Variants in EXO5 observed in about 807,000 individuals in gnomAD.
EXO5 encodes exonuclease 5.
A neutral mutation model predicts 17.8 loss-of-function variants in EXO5; 11 were observed. The observed-to-expected ratio is 0.62, with a 90% confidence interval of 0.39 to 1.02. EXO5 has a LOEUF of 1.02. EXO5 is among the 50% of genes least tolerant of loss of function. The pLI, the probability that EXO5 is intolerant of heterozygous loss-of-function variation, is 0.00. For synonymous variants in EXO5, 147 were observed against 166.5 expected (o/e 0.88, Z 0.90); for missense variants, 364 against 434.8 (o/e 0.84, Z 1.45).
In EXO5 at chr1:40,515,777, C is replaced by A; in HGVS notation, c.*111C>A. ...TATGGAGAGTGTTCTTATTTTGGTTCTTTTTTTTATTTCCACAACCTCTAA... is the reference window on the plus strand; with the variant it reads ...TATGGAGAGTGTTCTTATTTTGGTTATTTTTTTTATTTCCACAACCTCTAA... On this transcript the variant is annotated 3_prime_UTR_variant, in exon 4 of 4. Coordinates refer to ENST00000415550, the MANE Select transcript of EXO5 (RefSeq NM_001346953.2). 4 of 1,235,326 alleles carry A rather than the reference C, an allele frequency of 3.2e-6. No individual in the cohort carries two copies. The highest frequency in any genetic ancestry group is 3.4e-6 in the Non-Finnish European group (3 of 894,708). The allele number at this position is 1,235,326 out of a possible 1,614,324, so 76.5% of individuals were successfully genotyped here. A position where few individuals can be genotyped will look rare whatever the true frequency, so the allele number is the denominator to read the frequency against.
In EXO5 at chr1:40,509,595, G is replaced by C. The variant is rs762040929; in HGVS notation, c.-119G>C. 1.3e-5 allele frequency: 2 copies of C among 152,222 alleles called. No homozygotes were observed. The highest frequency in any genetic ancestry group is 2.9e-5 in the Non-Finnish European group (2 of 68,070). 9.4% of individuals were successfully genotyped at this position (152,222 alleles called of 1,614,324 possible). A position where few individuals can be genotyped will look rare whatever the true frequency, so the allele number is the denominator to read the frequency against. On this transcript the variant is annotated 5_prime_UTR_variant, in exon 2 of 4. Transcript: ENST00000415550. Reference sequence around the variant, plus strand: ...AGTCTGTGCAGTGTCAATGTGAGAGGAGAAAACACCCAACGTGAGGGAATG... The same window carrying C: ...AGTCTGTGCAGTGTCAATGTGAGAGCAGAAAACACCCAACGTGAGGGAATG...
chr1:40,514,440 T>C, intron 3 of EXO5, 75 bp from the exon 4 acceptor site: 1 of 1,252,782 alleles, frequency 8.0e-7, no homozygotes, highest in Non-Finnish European at 1.1e-6. Flanking sequence ...ATTTTGTTTT[T>C]ATCTCACTGA....
rs1645864896 is a variant in EXO5, at chr1:40,515,275, T to A, written c.731T>A (p.Leu244Ter). Residue 244 changes from leucine to a stop codon, truncating the protein, a stop_gained, in exon 4 of 4, where the codon TTG (leucine) becomes TAG (stop). Coordinates refer to ENST00000415550, the MANE Select transcript of EXO5 (RefSeq NM_001346953.2). LOFTEE classifies it high-confidence loss of function. ...GCTAGCCTAATCCACCACACAAAGT[T>A]GTGTCTAGAAAAGCCACTGGGGCCA... ...TPASLIHHTKLCLEKPLGPSV... is the reference protein window; with the variant it reads ...TPASLIHHTK 6.2e-7 allele frequency: 1 copy of A among 1,613,960 alleles called. No individual in the cohort carries two copies. The highest frequency in any genetic ancestry group is 8.5e-7 in the Non-Finnish European group (1 of 1,180,010).
chr1:40,510,272 A>G (rs1011939176), intron 3 of EXO5, among the ~76,000 whole-genome samples: 1 of 152,118 alleles, frequency 6.6e-6, no homozygotes, highest in African/African-American at 2.4e-5. Flanking sequence ...TGCTCCAATA[A>G]CAGTATAGTT....
In EXO5 at chr1:40,514,514, G is replaced by T; in HGVS notation, c.-30-1G>T. ...ATGCATTTCTTTAACATGTTATGCA[G>T]GGCCCTTCTAGCCCAATCCAGAGCT... On this transcript the variant is annotated splice_acceptor_variant, in intron 3 of 3. Transcript: ENST00000415550. LOFTEE classifies it low-confidence loss of function (5UTR_SPLICE). 6.4e-7 allele frequency: 1 copy of T among 1,559,588 alleles called. No individual in the cohort carries two copies. Among genetic ancestry groups the T allele is most frequent in the South Asian group, 1.2e-5 (1 of 83,168 alleles).
In EXO5 at chr1:40,515,662, A is replaced by C; in HGVS notation, c.1118A>C (p.Lys373Thr). Residue 373 changes from lysine (K) to threonine (T), a missense_variant, in exon 4 of 4, where the codon AAA (lysine) becomes ACA (threonine). By Grantham distance (78) the Lys-to-Thr change is moderately conservative. Transcript: ENST00000415550. ...CTGGCGCCCCAAGTCAAAAAAGCCAAATGAATAGAAGGTATGCTTTCAAGA... is the reference window on the plus strand; with the variant it reads ...CTGGCGCCCCAAGTCAAAAAAGCCACATGAATAGAAGGTATGCTTTCAAGA... ...STLAPQVKKA[K>T] is the part of the protein sequence containing the mutation. 6.2e-7 allele frequency: 1 copy of C among 1,610,234 alleles called. No individual in the cohort carries two copies. Among genetic ancestry groups the C allele is most frequent in the Non-Finnish European group, 8.5e-7 (1 of 1,178,484 alleles).
intron 3 of EXO5, among the ~76,000 whole-genome samples, chr1:40,510,109 G>T (rs1204930714): frequency 6.6e-6 from 1 of 152,116 alleles, no homozygotes; most frequent in East Asian, 1.9e-4. Context: ...TTGGCATTAT[G>T]CTGTTTCCCA....
rs866326373 is a variant in EXO5 at position 40,515,927 on chromosome 1, C to T, written c.*261C>T. Reference sequence around the variant, plus strand: ...TCATGGCTGGAATGAAGGTATCCTTCAGTAAACTTTGCTTTCCTAAGAAAA... The same window carrying T: ...TCATGGCTGGAATGAAGGTATCCTTTAGTAAACTTTGCTTTCCTAAGAAAA... On this transcript the variant is annotated 3_prime_UTR_variant, in exon 4 of 4. Transcript: ENST00000415550. 1 of 365,438 alleles carries T rather than the reference C, an allele frequency of 2.7e-6. No individual in the cohort carries two copies. Among genetic ancestry groups the T allele is most frequent in the African/African-American group, 2.1e-5 (1 of 47,376 alleles). 22.6% of individuals were successfully genotyped at this position (365,438 alleles called of 1,614,324 possible).
chr1:40,513,854 G>T (rs1645827208), intron 3 of EXO5, among the ~76,000 whole-genome samples: 1 of 151,926 alleles, frequency 6.6e-6, no homozygotes, highest in Non-Finnish European at 1.5e-5. Flanking sequence ...CTCCCAAAGT[G>T]CTGCGATTAC....
At position 40,515,959 on chromosome 1, in the gene EXO5, A is replaced by T. The variant is rs532674222; in HGVS notation, c.*293A>T. The T allele has an allele frequency of 4.6e-4, 141 of 309,040 alleles. 4 individuals carry two copies. In the South Asian group the frequency reaches 8.5e-3, roughly 19 times the overall value. 19.1% of individuals were successfully genotyped at this position (309,040 alleles called of 1,614,324 possible). A position where few individuals can be genotyped will look rare whatever the true frequency, so the allele number is the denominator to read the frequency against. Reference sequence around the variant, plus strand: ...CTTTGCTTTCCTAAGAAAATTCTTCAGTTTCTGATAAGTCATCCCTATTTT... The same window carrying T: ...CTTTGCTTTCCTAAGAAAATTCTTCTGTTTCTGATAAGTCATCCCTATTTT... On this transcript the variant is annotated 3_prime_UTR_variant, in exon 4 of 4. Transcript: ENST00000415550.
rs1184206776 is a variant in EXO5, at chr1:40,515,603, G to A, written c.1059G>A (p.Glu353=). The A allele has an allele frequency of 6.2e-7, 1 of 1,613,498 alleles. No individual in the cohort carries two copies. The highest frequency in any genetic ancestry group is 2.2e-5 in the East Asian group (1 of 44,830). The change falls in exon 4 of 4, where the codon GAG becomes GAA. Residue 353 remains glutamate (E), a synonymous_variant. Transcript: ENST00000415550. ...CGTGTACCTATGCAGACATTTGTGA[G>A]TGGAGAAAGGGCAGTGGAGTGCTCA... The part of the protein sequence containing the change: ...CRTCTYADIC[E]WRKGSGVLSS...
In EXO5 at chr1:40,515,571, T is replaced by C. The variant is rs1016799741; in HGVS notation, c.1027T>C (p.Cys343Arg). The part of the protein sequence containing the change: ...QGVDVEEAWK[C>R]RTCTYADICE... ...AGTTGACGTGGAGGAGGCTTGGAAGTGCCGGACGTGTACCTATGCAGACAT... is the reference window on the plus strand; with the variant it reads ...AGTTGACGTGGAGGAGGCTTGGAAGCGCCGGACGTGTACCTATGCAGACAT... Residue 343 changes from cysteine to arginine, a missense_variant, in exon 4 of 4, where the codon TGC becomes CGC. Transcript: ENST00000415550. 1.2e-6 allele frequency: 2 copies of C among 1,611,612 alleles called. No individual in the cohort carries two copies. The highest frequency in any genetic ancestry group is 2.2e-5 in the South Asian group (2 of 91,004).
chr1:40,513,393 G>A (rs1162002481), intron 3 of EXO5, among the ~76,000 whole-genome samples: 1 of 152,048 alleles, frequency 6.6e-6, no homozygotes, highest in African/African-American at 2.4e-5. Flanking sequence ...TTTTTCTCAA[G>A]GAACAGTTTG....
At chr1:40,513,375 A>T (rs1645816335) in intron 3 of EXO5, among the ~76,000 whole-genome samples, 1 of 152,198 alleles carries the variant, frequency 6.6e-6, no homozygotes, top group South Asian at 2.1e-4. Context: ...CAGTTATTGC[A>T]GAGCTCCTTT....
chr1:40,515,793 C>T lies in EXO5; in HGVS notation c.*127C>T. The T allele has an allele frequency of 1.0e-6, 1 of 961,462 alleles. No individual in the cohort carries two copies. The highest frequency in any genetic ancestry group is 1.5e-6 in the Non-Finnish European group (1 of 651,342). 59.6% of individuals were successfully genotyped at this position (961,462 alleles called of 1,614,324 possible). ...ATTTTGGTTCTTTTTTTTATTTCCA[C>T]AACCTCTAACCACATTCAGTCCAGG... On this transcript the variant is annotated 3_prime_UTR_variant, in exon 4 of 4. Coordinates refer to ENST00000415550, the MANE Select transcript of EXO5 (RefSeq NM_001346953.2).
At chr1:40,511,619 C>T (rs1242446628) in intron 3 of EXO5, among the ~76,000 whole-genome samples, 3 of 152,204 alleles carry the variant, frequency 2.0e-5, no homozygotes, top group Non-Finnish European at 4.4e-5. Context: ...TCACTTCTTA[C>T]GCTTTGACAT....
Position 40,514,930 on chromosome 1 carries a change from A to G in EXO5, c.386A>G (p.His129Arg), listed in dbSNP as rs762026941. ...SIHLARELELHDLVTVPVTTK... is the reference protein window; with the variant it reads ...SIHLARELELRDLVTVPVTTK... ...CACCTAGCTAGAGAACTAGAACTTC[A>G]TGATCTTGTGACTGTCCCAGTCACC... is the stretch of plus-strand genomic sequence containing the variant. The change falls in exon 4 of 4, where the codon CAT (histidine) becomes CGT (arginine). Residue 129 changes from histidine to arginine, a missense_variant. Physicochemically the swap from His to Arg is conservative, Grantham distance 29. Coordinates refer to ENST00000415550, the MANE Select transcript of EXO5 (RefSeq NM_001346953.2). The G allele has an allele frequency of 6.2e-7, 1 of 1,614,170 alleles. No individual in the cohort carries two copies. Among genetic ancestry groups the G allele is most frequent in the Non-Finnish European group, 8.5e-7 (1 of 1,180,026 alleles).
At chr1:40,512,262 GCTAT>G (rs1645793409) in intron 3 of EXO5, among the ~76,000 whole-genome samples, 1 of 152,188 alleles carries the variant, frequency 6.6e-6, no homozygotes, top group Non-Finnish European at 1.5e-5. Flanking sequence ...TTAAAGAAAA[GCTAT>G]CTAGGACATT....
intron 3 of EXO5, among the ~76,000 whole-genome samples, chr1:40,513,885 G>A (rs548870041): frequency 9.2e-5 from 14 of 151,784 alleles, no homozygotes; most frequent in African/African-American, 2.4e-4. Flanking sequence ...CACCCGCCCC[G>A]CCTCAAAGCT....
Sources: allele counts gnomAD v4.1 joint callset (sites outside exome capture counted in the v4.1 genomes callset), GRCh38; gene constraint gnomAD v4.1.1; transcripts MANE v1.5; gene names NCBI Gene and HGNC (gene_info 2026-07-23, HGNC 2026-07-21).